Variants in DCLK1 observed in about 807,000 individuals in gnomAD.
DCLK1 encodes the protein serine/threonine-protein kinase DCLK1.
DCLK1 carries 16 observed loss-of-function variants against 86.2 expected under a neutral mutation model. The observed-to-expected ratio is 0.19, with a 90% CI of 0.13 to 0.28. The LOEUF (loss-of-function observed/expected upper bound fraction) is 0.28. Ranked by LOEUF, DCLK1 falls within the 10% of genes least tolerant of loss-of-function variation. The pLI, the probability that DCLK1 is intolerant of heterozygous loss-of-function variation, is 1.00. For synonymous variants in DCLK1, 369 were observed against 370.5 expected (o/e 1.00, Z 0.05); for missense variants, 590 against 940.2 (o/e 0.63, Z 4.87).
intron 4 of DCLK1, among the ~76,000 whole-genome samples, chr13:35,897,866 A>G (rs1253090170): frequency 6.6e-6 from 1 of 152,202 alleles, no homozygotes; most frequent in Non-Finnish European, 1.5e-5. Flanking sequence ...TCGTACTTAG[A>G]GGGTTGCTGT....
At chr13:36,108,337 C>T (rs146027532) in intron 3 of DCLK1, among the ~76,000 whole-genome samples, 1 of 152,328 alleles carries the variant, frequency 6.6e-6, no homozygotes, top group Non-Finnish European at 1.5e-5. Flanking sequence ...CAGCTTCCTG[C>T]AAAATCTTTT....
At chr13:36,121,509 G>A (rs1344592823) in intron 2 of DCLK1, among the ~76,000 whole-genome samples, 1 of 152,094 alleles carries the variant, frequency 6.6e-6, no homozygotes, top group African/African-American at 2.4e-5. Context: ...TGAGAGAGAC[G>A]CCACATTCAC....
intron 3 of DCLK1, among the ~76,000 whole-genome samples, chr13:36,098,744 C>G (rs1022251807): frequency 6.6e-6 from 1 of 152,074 alleles, no homozygotes; most frequent in African/African-American, 2.4e-5. Context: ...AGTAACTTCC[C>G]TCTCACGTTA....
chr13:36,064,029 G>A (rs1189430462), intron 3 of DCLK1, among the ~76,000 whole-genome samples: 1 of 152,146 alleles, frequency 6.6e-6, no homozygotes, highest in Non-Finnish European at 1.5e-5. Context: ...GGTAAAATGA[G>A]AAGTAATAAA....
chr13:36,029,293 T>A (rs887792184), intron 3 of DCLK1, among the ~76,000 whole-genome samples: 2 of 152,160 alleles, frequency 1.3e-5, no homozygotes, highest in Non-Finnish European at 2.9e-5. Flanking sequence ...TACATTTGCT[T>A]TGTAACATGA....
At chr13:35,931,368 A>T (rs1876421291) in intron 4 of DCLK1, among the ~76,000 whole-genome samples, 1 of 152,212 alleles carries the variant, frequency 6.6e-6, no homozygotes, top group Admixed American at 6.5e-5. Flanking sequence ...CACTACAAGG[A>T]GGTTCAAATA....
At chr13:35,993,237 C>G (rs1490236379) in intron 3 of DCLK1, among the ~76,000 whole-genome samples, 1 of 152,196 alleles carries the variant, frequency 6.6e-6, no homozygotes, top group African/African-American at 2.4e-5. Flanking sequence ...AAAGCTTTCT[C>G]TGCTGTCCCT....
chr13:35,971,885 G>C (rs1879079476), intron 3 of DCLK1, among the ~76,000 whole-genome samples: 1 of 152,066 alleles, frequency 6.6e-6, no homozygotes, highest in South Asian at 2.1e-4. Context: ...TATTGTTGTT[G>C]TTGTTTGCAC....
intron 10 of DCLK1, 41 bp downstream of exon 10, chr13:35,827,594 G>A (rs2225046): frequency 0.13 from 204,944 of 1,608,070 alleles, 14,715 homozygotes; most frequent in East Asian, 0.32. Flanking sequence ...GGCAAGTGCG[G>A]TGCCATCAAT....
At chr13:36,125,739 G>C in intron 2 of DCLK1, 23 bp downstream of exon 2, 1 of 1,599,656 alleles carries the variant, frequency 6.3e-7, no homozygotes, top group Non-Finnish European at 8.5e-7. Context: ...AGGGTCACGT[G>C]GGGGTTATCT....
chr13:35,815,405 A>G (rs2087245256), intron 11 of DCLK1, among the ~76,000 whole-genome samples: 1 of 152,216 alleles, frequency 6.6e-6, no homozygotes, highest in African/African-American at 2.4e-5. Flanking sequence ...AATGTAACAG[A>G]TGTGTTGGAA....
At chr13:35,854,081 C>A (rs1047577842) in intron 6 of DCLK1, among the ~76,000 whole-genome samples, 5 of 152,132 alleles carry the variant, frequency 3.3e-5, no homozygotes, top group South Asian at 2.1e-4. Flanking sequence ...CCTCATGGAC[C>A]CTCTGCTGCT....
chr13:36,127,947 T>C lies in DCLK1; in HGVS notation c.-19-1791A>G, dbSNP rs529539550. Reference sequence around the variant, plus strand: ...TGACAAAATTTCAGGCATGTTGAAATAGAATATCAGGAAAATGGAAAATTT... The same window carrying C: ...TGACAAAATTTCAGGCATGTTGAAACAGAATATCAGGAAAATGGAAAATTT... On this transcript the variant is annotated intron_variant, in intron 1 of 16. Coordinates refer to ENST00000360631, the MANE Select transcript of DCLK1 (RefSeq NM_001330071.2). Among the ~76,000 whole-genome samples, 48 of 152,274 alleles carry C rather than the reference T, an allele frequency of 3.2e-4. No individual in the cohort carries two copies. In the South Asian group the frequency reaches 9.5e-3, roughly 30 times the overall value.
chr13:35,858,658 C>A (rs1262677849), intron 5 of DCLK1, among the ~76,000 whole-genome samples: 1 of 152,092 alleles, frequency 6.6e-6, no homozygotes, highest in Non-Finnish European at 1.5e-5. Flanking sequence ...AAGGTTATTG[C>A]AATGGTAATT....
intron 4 of DCLK1, among the ~76,000 whole-genome samples, chr13:35,906,016 C>G (rs1460139009): frequency 6.6e-6 from 1 of 152,100 alleles, no homozygotes; most frequent in Non-Finnish European, 1.5e-5. Context: ...ACAAACTGAT[C>G]CGAATTTGTG....
chr13:35,819,360 T>C (rs2087341030), intron 11 of DCLK1, among the ~76,000 whole-genome samples: 2 of 152,258 alleles, frequency 1.3e-5, no homozygotes, highest in African/African-American at 2.4e-5. Context: ...ACAATCAATA[T>C]AGATCCTTAA....
chr13:36,111,160 A>T (rs1186046402), intron 3 of DCLK1, among the ~76,000 whole-genome samples: 2 of 151,966 alleles, frequency 1.3e-5, no homozygotes, highest in Non-Finnish European at 2.9e-5. Flanking sequence ...AATTCAACTC[A>T]CCATCAAGGT....
chr13:36,097,092 G>C (rs767039443), intron 3 of DCLK1, among the ~76,000 whole-genome samples: 55 of 152,184 alleles, frequency 3.6e-4, no homozygotes, highest in Non-Finnish European at 7.3e-5. Context: ...TGAACTTAGT[G>C]AATCCATAAT....
At chr13:35,817,913 C>A (rs906599056) in intron 11 of DCLK1, among the ~76,000 whole-genome samples, 1 of 152,176 alleles carries the variant, frequency 6.6e-6, no homozygotes, top group Admixed American at 6.5e-5. Context: ...CACAACTACA[C>A]CAAAACTAAC....
Sources: gnomAD v4.1 joint callset for allele counts (sites outside exome capture counted in the v4.1 genomes callset) on GRCh38, gnomAD v4.1.1 for gene constraint, MANE v1.5 for transcripts, NCBI Gene and HGNC (gene_info 2026-07-23, HGNC 2026-07-21) for gene names.